KLHL7: variants seen among roughly 807,000 people sequenced by gnomAD.
KLHL7 encodes kelch-like protein 7.
In KLHL7, 44 loss-of-function variants were observed where a neutral mutation model predicts 67.4. That is an observed-to-expected ratio of 0.65 (90% confidence interval 0.51 to 0.84). The LOEUF (loss-of-function observed/expected upper bound fraction) is 0.84, where lower values mean the gene tolerates loss of function less well. Among genes scored for constraint, KLHL7 ranks in the 40% least tolerant of loss-of-function variants. The pLI is 0.00. For synonymous variants in KLHL7, 252 were observed against 243.3 expected (o/e 1.04, Z -0.33); for missense variants, 362 against 718.1 (o/e 0.50, Z 5.67).
At chr7:23,168,218 G>A (rs1355105482) in intron 9 of KLHL7, 181 bp downstream of exon 9, 1 of 614,014 alleles carries the variant, frequency 1.6e-6, no homozygotes, top group Non-Finnish European at 2.9e-6. Flanking sequence ...CCTTACACCA[G>A]AAATGGCTTG....
intron 1 of KLHL7, among the ~76,000 whole-genome samples, chr7:23,117,648 G>T (rs1015081989): frequency 1.3e-5 from 2 of 152,048 alleles, no homozygotes; most frequent in African/African-American, 4.8e-5. Flanking sequence ...TATTCTAATT[G>T]TGTATGTGTT....
chr7:23,111,942 T>G (rs868201014), intron 1 of KLHL7, among the ~76,000 whole-genome samples: 2 of 151,174 alleles, frequency 1.3e-5, no homozygotes, highest in Admixed American at 6.6e-5. Context: ...GACATGATGG[T>G]CCTTTGGACT....
intron 1 of KLHL7, among the ~76,000 whole-genome samples, chr7:23,116,847 A>G (rs1181184966): frequency 6.6e-6 from 1 of 152,132 alleles, no homozygotes; most frequent in African/African-American, 2.4e-5. Context: ...TCTCAGTTCC[A>G]CTATATACCA....
chr7:23,151,152 G>GTTTTT (rs10653794), intron 6 of KLHL7, among the ~76,000 whole-genome samples: 8 of 77,642 alleles, frequency 1.0e-4, no homozygotes, highest in African/African-American at 6.0e-4. Flanking sequence ...TTCTGGGCCT[G>GTTTTT]TTTTGTTTTT....
intron 6 of KLHL7, among the ~76,000 whole-genome samples, chr7:23,145,163 T>C (rs1784316303): frequency 2.0e-5 from 3 of 151,924 alleles, no homozygotes; most frequent in African/African-American, 7.2e-5. Flanking sequence ...CATTTTCAGT[T>C]AGAATTTATC....
chr7:23,123,991 A>G (rs1783457422), intron 2 of KLHL7, 112 bp downstream of exon 2: 1 of 779,574 alleles, frequency 1.3e-6, no homozygotes, highest in Non-Finnish European at 2.2e-6. Flanking sequence ...ACTTAAGGCC[A>G]CAGAACAGTG....
intron 7 of KLHL7, among the ~76,000 whole-genome samples, chr7:23,158,828 TA>T (rs1784779557): frequency 1.3e-5 from 2 of 152,170 alleles, no homozygotes; most frequent in African/African-American, 4.8e-5. Context: ...TGATGTGTGA[TA>T]GACAATGACT....
intron 4 of KLHL7, among the ~76,000 whole-genome samples, chr7:23,130,080 G>C (rs1231049557): frequency 6.6e-6 from 1 of 152,166 alleles, no homozygotes; most frequent in East Asian, 1.9e-4. Flanking sequence ...GTTTTATCCA[G>C]TTATCTTCTA....
At chr7:23,151,188 C>A (rs1424990748) in intron 6 of KLHL7, among the ~76,000 whole-genome samples, 3 of 138,392 alleles carry the variant, frequency 2.2e-5, no homozygotes, top group African/African-American at 8.1e-5. Flanking sequence ...TTTTTTTAAG[C>A]TTTTAGTGCA....
intron 5 of KLHL7, among the ~76,000 whole-genome samples, chr7:23,143,638 G>T (rs1300032069): frequency 6.6e-6 from 1 of 151,734 alleles, no homozygotes; most frequent in East Asian, 1.9e-4. Flanking sequence ...CTACATAATA[G>T]TAGTTAGTTC....
At chr7:23,109,806 C>T (rs1163473085) in intron 1 of KLHL7, among the ~76,000 whole-genome samples, 1 of 152,182 alleles carries the variant, frequency 6.6e-6, no homozygotes, top group East Asian at 1.9e-4. Context: ...TGCTTTGTCT[C>T]ATTTAATTCT....
intron 1 of KLHL7, chr7:23,118,000 C>A: frequency 6.2e-7 from 1 of 1,612,648 alleles, no homozygotes; most frequent in Non-Finnish European, 8.5e-7. Context: ...TGGGATATAA[C>A]AAAGAATAGA....
chr7:23,125,902 C>T, intron 4 of KLHL7: 1 of 1,501,534 alleles, frequency 6.7e-7, no homozygotes, highest in Non-Finnish European at 9.1e-7. Flanking sequence ...CCAAGACCCC[C>T]AGTGAATGCC....
intron 4 of KLHL7, chr7:23,129,255 G>T (rs891199810): frequency 8.7e-5 from 22 of 253,078 alleles, no homozygotes; most frequent in Non-Finnish European, 1.5e-4. Context: ...CTGTGTTGTT[G>T]TACATCACCA....
chr7:23,113,256 G>T (rs376799608), intron 1 of KLHL7, among the ~76,000 whole-genome samples: 1 of 152,170 alleles, frequency 6.6e-6, no homozygotes, highest in Non-Finnish European at 1.5e-5. Context: ...TATTTTTGAA[G>T]ATTCTTTTGA....
chr7:23,115,734 G>C lies in KLHL7; in HGVS notation c.121-8043G>C, dbSNP rs191511250. Among the ~76,000 whole-genome samples, 27 of 152,004 alleles carry C rather than the reference G, an allele frequency of 1.8e-4. No homozygotes were observed. In the East Asian group the frequency reaches 3.1e-3, roughly 17 times the overall value. On this transcript the variant is annotated intron_variant, in intron 1 of 10. Coordinates refer to ENST00000339077, the MANE Select transcript of KLHL7 (RefSeq NM_001031710.3). ...TAATTTTTTGTATTTTAGTAGAGAC[G>C]GGGTTTTACCATGTTAGCCAGGATG...
In KLHL7 at chr7:23,174,643, T is replaced by C. The variant is rs1198892605; in HGVS notation, c.*345T>C. 1 of 469,242 alleles carries C rather than the reference T, an allele frequency of 2.1e-6. No homozygotes were observed. Among genetic ancestry groups the C allele is most frequent in the Non-Finnish European group, 4.2e-6 (1 of 237,002 alleles). The allele number at this position is 469,242 out of a possible 1,614,324, so 29.1% of individuals were successfully genotyped here. ...GAAGCGCAGTATCTTAGCTCTAGATTCTATTTTCATGCATCACAGAAGTGC... is the reference window on the plus strand; with the variant it reads ...GAAGCGCAGTATCTTAGCTCTAGATCCTATTTTCATGCATCACAGAAGTGC... On this transcript the variant is annotated 3_prime_UTR_variant, in exon 11 of 11. Coordinates refer to ENST00000339077, the MANE Select transcript of KLHL7 (RefSeq NM_001031710.3).
chr7:23,149,538 C>T (rs1442435068), intron 6 of KLHL7, among the ~76,000 whole-genome samples: 2 of 152,224 alleles, frequency 1.3e-5, no homozygotes, highest in Admixed American at 6.5e-5. Flanking sequence ...CCCTCCCTAG[C>T]ATTTCTGATT....
intron 1 of KLHL7, among the ~76,000 whole-genome samples, chr7:23,112,531 A>AATAGG (rs1339823680): frequency 6.6e-6 from 1 of 152,240 alleles, no homozygotes; most frequent in Non-Finnish European, 1.5e-5. Flanking sequence ...TCACCAGAAG[A>AATAGG]ATAGGAGAAA....
Sources: allele counts gnomAD v4.1 joint callset (sites outside exome capture counted in the v4.1 genomes callset), GRCh38; gene constraint gnomAD v4.1.1; transcripts MANE v1.5; gene names NCBI Gene and HGNC (gene_info 2026-07-23, HGNC 2026-07-21).